GLT8D2: variants seen among roughly 807,000 people sequenced by gnomAD.
GLT8D2 encodes the protein glycosyltransferase 8 domain containing 2.
A neutral mutation model predicts 44.5 loss-of-function variants in GLT8D2; 45 were observed. The ratio of observed to expected loss-of-function variants is 1.01; its 90% CI spans 0.80 to 1.30. The LOEUF (loss-of-function observed/expected upper bound fraction) is 1.30, where lower values mean the gene tolerates loss of function less well. Ranked by LOEUF, GLT8D2 falls within the 50% of genes most tolerant of loss-of-function variation. The probability of loss-of-function intolerance (pLI) is 0.00; values close to 1 mark genes in which losing one functional copy is unlikely to be tolerated. For missense variants in GLT8D2, 400 were observed against 430.4 expected (o/e 0.93, Z 0.62); for synonymous variants, 156 against 157.2 (o/e 0.99, Z 0.06).
chr12:104,008,324 C>A (rs886122060), intron 4 of GLT8D2, among the ~76,000 whole-genome samples: 2 of 152,140 alleles, frequency 1.3e-5, no homozygotes, highest in African/African-American at 4.8e-5. Flanking sequence ...GGAACTGGAA[C>A]AAAGGTGACT....
intron 1 of GLT8D2, among the ~76,000 whole-genome samples, chr12:104,033,328 A>G (rs1355488957): frequency 2.0e-5 from 3 of 152,240 alleles, no homozygotes; most frequent in Non-Finnish European, 2.9e-5. Flanking sequence ...CACCTTAGAA[A>G]AGAAGAAAAT....
intron 2 of GLT8D2, among the ~76,000 whole-genome samples, chr12:104,020,394 C>A (rs928363356): frequency 6.6e-6 from 1 of 152,098 alleles, no homozygotes; most frequent in African/African-American, 2.4e-5. Flanking sequence ...TTTACATCTT[C>A]AAGAATCCCT....
intron 4 of GLT8D2, among the ~76,000 whole-genome samples, chr12:104,007,652 G>A (rs1182091500): frequency 6.6e-6 from 1 of 152,168 alleles, no homozygotes; most frequent in Admixed American, 6.5e-5. Context: ...GTCTATTTAT[G>A]GAATTAGGAG....
chr12:104,026,667 T>C (rs1878616671), intron 1 of GLT8D2, among the ~76,000 whole-genome samples: 1 of 152,238 alleles, frequency 6.6e-6, no homozygotes, highest in African/African-American at 2.4e-5. Context: ...ACATTCATTT[T>C]ACTGTAAAAT....
intron 1 of GLT8D2, among the ~76,000 whole-genome samples, chr12:104,062,091 T>C (rs1249408056): frequency 1.3e-5 from 2 of 152,064 alleles, no homozygotes; most frequent in African/African-American, 4.8e-5. Context: ...GTTTGTTTTT[T>C]AGACTGAGTT....
intron 6 of GLT8D2, among the ~76,000 whole-genome samples, chr12:103,997,914 TACAC>T (rs59719067): frequency 0.073 from 10,661 of 146,010 alleles, 483 homozygotes; most frequent in East Asian, 0.21. Flanking sequence ...CAGCCTTAAA[TACAC>T]ACACACACAC....
chr12:104,026,277 T>C (rs1404037827), intron 1 of GLT8D2, among the ~76,000 whole-genome samples: 3 of 112,636 alleles, frequency 2.7e-5, no homozygotes, highest in Admixed American at 9.2e-5. Context: ...AGACTCTGTC[T>C]CAAAAAAAAA....
At chr12:104,007,783 T>A (rs1367179716) in intron 4 of GLT8D2, among the ~76,000 whole-genome samples, 1 of 152,182 alleles carries the variant, frequency 6.6e-6, no homozygotes, top group East Asian at 1.9e-4. Context: ...AATTCCCACA[T>A]GTTGTGGGAG....
Position 104,032,851 on chromosome 12 carries a change from T to A in GLT8D2, c.-163-11360A>T, listed in dbSNP as rs543160788. On this transcript the variant is annotated intron_variant, in intron 1 of 10. Transcript: ENST00000360814. ...AAAGAAAATCAGTATCAAAGCTAGA[T>A]CTACACTCTCAGGTTCATTGCAGCA... Among the ~76,000 whole-genome samples the A allele has an allele frequency of 1.4e-4, 21 of 151,222 alleles. No individual in the cohort carries two copies. In the South Asian group the frequency reaches 4.4e-3, roughly 32 times the overall value.
In GLT8D2 at chr12:103,989,398, T is replaced by G; in HGVS notation, c.*10A>C. The G allele has an allele frequency of 6.3e-7, 1 of 1,593,580 alleles. No individual in the cohort carries two copies. The highest frequency in any genetic ancestry group is 8.5e-7 in the Non-Finnish European group (1 of 1,170,106). On this transcript the variant is annotated 3_prime_UTR_variant, in exon 11 of 11. Transcript: ENST00000360814. ...TTCTATACAGGGAATATTTTAAGGG[T>G]AGAGTTATATCAGCTATGGTGATTG...
intron 1 of GLT8D2, among the ~76,000 whole-genome samples, chr12:104,041,630 C>A (rs1162497252): frequency 6.6e-6 from 1 of 152,084 alleles, no homozygotes; most frequent in Non-Finnish European, 1.5e-5. Flanking sequence ...CAACCCAGGA[C>A]AAGAAGGTAA....
chr12:104,052,718 C>G (rs1453712907), upstream of GLT8D2, among the ~76,000 whole-genome samples: 2 of 151,996 alleles, frequency 1.3e-5, no homozygotes. Context: ...CATGATGCCC[C>G]TCCTCTTCTC....
At position 103,997,540 on chromosome 12, in the gene GLT8D2, T is replaced by G. The variant is rs890404929; in HGVS notation, c.403-5A>C. The G allele has an allele frequency of 3.1e-6, 5 of 1,607,820 alleles. No individual in the cohort carries two copies. The highest frequency in any genetic ancestry group is 4.3e-6 in the Non-Finnish European group (5 of 1,174,446). On this transcript the variant is annotated splice_region_variant and splice_polypyrimidine_tract_variant and intron_variant, in intron 6 of 10. Coordinates refer to ENST00000360814, the MANE Select transcript of GLT8D2 (RefSeq NM_001384711.1). Reference sequence around the variant, plus strand: ...ATAAAATCGAACAAAGTTCAGCTGTTAAAACGACAAAAGAAATGATGGTGG... The same window carrying G: ...ATAAAATCGAACAAAGTTCAGCTGTGAAAACGACAAAAGAAATGATGGTGG...
At chr12:104,059,429 G>A (rs1028457406) in intron 1 of GLT8D2, among the ~76,000 whole-genome samples, 1 of 152,100 alleles carries the variant, frequency 6.6e-6, no homozygotes, top group Non-Finnish European at 1.5e-5. Flanking sequence ...GGCTGCTCCA[G>A]TTCTAGCCAT....
intron 1 of GLT8D2, among the ~76,000 whole-genome samples, chr12:104,048,893 G>C (rs1441888078): frequency 1.3e-5 from 2 of 152,062 alleles, no homozygotes; most frequent in Admixed American, 6.5e-5. Context: ...GAGGAACTAG[G>C]GTGCATGCAG....
intron 3 of GLT8D2, among the ~76,000 whole-genome samples, chr12:104,016,666 G>A (rs1433239031): frequency 1.8e-5 from 2 of 110,594 alleles, no homozygotes; most frequent in Non-Finnish European, 4.1e-5. Context: ...AAGAAAGAAA[G>A]AGAGAGAGAG....
chr12:104,056,573 G>A (rs1882199268), intron 1 of GLT8D2, among the ~76,000 whole-genome samples: 1 of 152,228 alleles, frequency 6.6e-6, no homozygotes, highest in Admixed American at 6.5e-5. Context: ...CTAACTACAT[G>A]TCAGACATTG....
intron 1 of GLT8D2, among the ~76,000 whole-genome samples, chr12:104,045,925 A>AAGAAAGAAAGAG (rs1881062779): frequency 6.7e-6 from 1 of 148,856 alleles, no homozygotes; most frequent in Non-Finnish European, 1.5e-5. Context: ...GAAAGAAAGA[A>AAGAAAGAAAGAG]AGAAAGAAAG....
At chr12:104,032,388 G>A (rs1879365147) in intron 1 of GLT8D2, among the ~76,000 whole-genome samples, 1 of 141,574 alleles carries the variant, frequency 7.1e-6, no homozygotes. Flanking sequence ...CCTGCCACAT[G>A]GGTCCAGTGT....
Sources: gnomAD v4.1 joint callset for allele counts (sites outside exome capture counted in the v4.1 genomes callset) on GRCh38, gnomAD v4.1.1 for gene constraint, MANE v1.5 for transcripts, NCBI Gene and HGNC (gene_info 2026-07-23, HGNC 2026-07-21) for gene names.